The following ALG12 variants were observed in gnomAD, a reference collection of about 807,000 sequenced individuals.
ALG12 encodes the protein ALG12 alpha-1,6-mannosyltransferase, also known as dol-P-Man:Man(7)GlcNAc(2)-PP-Dol alpha-1,6-mannosyltransferase.
A neutral mutation model predicts 46.0 loss-of-function variants in ALG12; 36 were observed. The observed-to-expected ratio is 0.78, with a 90% CI of 0.60 to 1.03. The LOEUF (loss-of-function observed/expected upper bound fraction) is 1.03, where lower values mean the gene tolerates loss of function less well. Among genes scored for constraint, ALG12 ranks in the 50% least tolerant of loss-of-function variants. The pLI, the probability that ALG12 is intolerant of heterozygous loss-of-function variation, is 0.00. For synonymous variants in ALG12, 326 were observed against 291.6 expected (o/e 1.12, Z -1.20); for missense variants, 599 against 633.5 (o/e 0.95, Z 0.58).
At chr22:49,879,425 C>T in the ALG12 span, among the ~76,000 whole-genome samples, 6,934 of 152,004 alleles carry the variant, frequency 0.046, 359 homozygotes, top group African/African-American at 0.13. Context: ...CCAAACCCAG[C>T]CTAATTTTTG....
At chr22:49,912,019 CCA>C in intron 3 of ALG12, among the ~76,000 whole-genome samples, 2 of 151,992 alleles carry the variant, frequency 1.3e-5, no homozygotes, top group South Asian at 4.2e-4. Context: ...TCAGCCTCGG[CCA>C]CGGGATCACC....
chr22:49,916,105 A>G (rs538988587), intron 1 of ALG12, among the ~76,000 whole-genome samples: 20 of 151,660 alleles, frequency 1.3e-4, no homozygotes, highest in Middle Eastern at 3.2e-3. Flanking sequence ...TAAAAATACA[A>G]AAAAATTAGC....
At chr22:49,909,402 C>T (rs2060562684) in intron 5 of ALG12, 55 bp from the exon 6 acceptor site, 1 of 1,525,164 alleles carries the variant, frequency 6.6e-7, no homozygotes, top group Non-Finnish European at 9.1e-7. Context: ...AGTAAACATC[C>T]CGCCACAATG....
chr22:49,890,942 A>G, the ALG12 span, among the ~76,000 whole-genome samples: 5 of 151,972 alleles, frequency 3.3e-5, no homozygotes, highest in South Asian at 4.2e-4. Flanking sequence ...AGGCAGGAGA[A>G]TGGCGTGAAC....
chr22:49,895,211 G>A, the ALG12 span, among the ~76,000 whole-genome samples: 1 of 152,210 alleles, frequency 6.6e-6, no homozygotes, highest in African/African-American at 2.4e-5. Context: ...CTTCTGAGTT[G>A]AGAGGCAGAG....
In ALG12 at chr22:49,905,219, T is replaced by C. The variant is rs7292211; in HGVS notation, c.993-713A>G. 0.055 allele frequency among the ~76,000 whole-genome samples: 8,442 copies of C among 152,212 alleles called. 632 individuals are homozygous for C. The highest frequency in any genetic ancestry group is 0.17 in the African/African-American group (7,030 of 41,522). On this transcript the variant is annotated intron_variant, in intron 7 of 9. Transcript: ENST00000330817. The surrounding 1 kb of genome is among the most constrained non-coding windows in gnomAD (Gnocchi z 4.9). ...GAGTTAGCAGCTGCCACAGACAGTG[T>C]GGCCCACGAAGATGAGGCTCTTTAT...
At position 49,901,605 on chromosome 22, in the gene ALG12, T is replaced by C. The variant is rs946930841; in HGVS notation, c.*2233A>G. 1.3e-5 allele frequency: 2 copies of C among 148,336 alleles called. No homozygotes were observed. Among genetic ancestry groups the C allele is most frequent in the Non-Finnish European group, 3.0e-5 (2 of 67,530 alleles). The allele number at this position is 148,336 out of a possible 1,614,324, so 9.2% of individuals were successfully genotyped here. ...ATGCATGGTGTGTGCACCTGTGCAT[T>C]GTGTGTGTGCATGCGTGGTGGGTAT... On this transcript the variant is annotated 3_prime_UTR_variant, in exon 10 of 10. Coordinates refer to ENST00000330817, the MANE Select transcript of ALG12 (RefSeq NM_024105.4).
intron 1 of ALG12, among the ~76,000 whole-genome samples, chr22:49,914,911 T>C (rs2060601181): frequency 6.6e-6 from 1 of 152,214 alleles, no homozygotes; most frequent in South Asian, 2.1e-4. Context: ...TTATTTTTTG[T>C]AAAGACAGGG....
At position 49,906,939 on chromosome 22, in the gene ALG12, A is replaced by C. The variant is rs955176003; in HGVS notation, c.992+782T>G. ...AACACTGAGTGGCAGCCGCGCTCAG[A>C]CCACCCCACCCTCAGCCCAGGCAGT... On this transcript the variant is annotated intron_variant, in intron 7 of 9. Coordinates refer to ENST00000330817, the MANE Select transcript of ALG12 (RefSeq NM_024105.4). The surrounding 1 kb of genome is among the most constrained non-coding windows in gnomAD (Gnocchi z 4.4). 6.6e-6 allele frequency among the ~76,000 whole-genome samples: 1 copy of C among 151,800 alleles called. No homozygotes were observed. The highest frequency in any genetic ancestry group is 2.4e-5 in the African/African-American group (1 of 41,286).
At chr22:49,874,672 C>T in the ALG12 span, among the ~76,000 whole-genome samples, 8 of 37,310 alleles carry the variant, frequency 2.1e-4, no homozygotes, top group African/African-American at 5.5e-4. Context: ...CATGCCCAGC[C>T]TTTTTTTTTT....
At chr22:49,908,134 G>A (rs1374534691) in intron 6 of ALG12, among the ~76,000 whole-genome samples, 190 bp from the exon 7 acceptor site, 2 of 152,206 alleles carry the variant, frequency 1.3e-5, no homozygotes, top group Non-Finnish European at 2.9e-5. Flanking sequence ...GCCACAGCTC[G>A]GGTGCACACA....
the ALG12 span, chr22:49,885,024 G>A: frequency 6.2e-7 from 1 of 1,612,936 alleles, no homozygotes; most frequent in Non-Finnish European, 8.5e-7. Flanking sequence ...AAAAGGTCAT[G>A]AAAAGACTGA....
chr22:49,865,338 G>A, the ALG12 span, among the ~76,000 whole-genome samples: 2 of 152,044 alleles, frequency 1.3e-5, no homozygotes, highest in South Asian at 2.1e-4. Flanking sequence ...TGTGCAGCAC[G>A]TGACTGTGTG....
chr22:49,906,755 C>G lies in ALG12; in HGVS notation c.992+966G>C, dbSNP rs527328641. On this transcript the variant is annotated intron_variant, in intron 7 of 9. Coordinates refer to ENST00000330817, the MANE Select transcript of ALG12 (RefSeq NM_024105.4). The surrounding 1 kb of genome is among the most constrained non-coding windows in gnomAD (Gnocchi z 4.4). ...CTCCTGTTCCCATCAAGGCAGCAAACTCTGAACGGGCACAGAGCTGGCCAG... is the reference window on the plus strand; with the variant it reads ...CTCCTGTTCCCATCAAGGCAGCAAAGTCTGAACGGGCACAGAGCTGGCCAG... 6.6e-6 allele frequency among the ~76,000 whole-genome samples: 1 copy of G among 152,328 alleles called. No individual in the cohort carries two copies. The highest frequency in any genetic ancestry group is 2.1e-4 in the South Asian group (1 of 4,834).
chr22:49,862,115 C>T, the ALG12 span, among the ~76,000 whole-genome samples: 2 of 152,194 alleles, frequency 1.3e-5, no homozygotes, highest in Non-Finnish European at 2.9e-5. Flanking sequence ...AAAAACTGTG[C>T]TTTACTGAAT....
chr22:49,909,836 T>C (rs2060564947), intron 5 of ALG12, 58 bp downstream of exon 5: 59 of 1,608,904 alleles, frequency 3.7e-5, no homozygotes, highest in Non-Finnish European at 4.8e-5. Context: ...TCTCTTGACC[T>C]TTGTAAAACA....
chr22:49,886,131 G>A, the ALG12 span: 7 of 683,538 alleles, frequency 1.0e-5, no homozygotes, highest in East Asian at 7.4e-5. This position sits in a 1 kb window ranked among gnomAD's most constrained non-coding sequence, Gnocchi z 7.7. Context: ...GGGAGCACTC[G>A]AGCGTGCAGT....
the ALG12 span, among the ~76,000 whole-genome samples, chr22:49,870,943 AT>A: frequency 0.63 from 86,937 of 138,024 alleles, 30,777 homozygotes; most frequent in East Asian, 0.84. Context: ...TAAAAGATAG[AT>A]TTTTTTTTTT....
rs756514420 is a variant in ALG12, at chr22:49,913,807, C to A, written c.-42G>T. 1.2e-6 allele frequency: 2 copies of A among 1,609,456 alleles called. No individual in the cohort carries two copies. Among genetic ancestry groups the A allele is most frequent in the Middle Eastern group, 2.0e-4 (1 of 5,036 alleles). On this transcript the variant is annotated 5_prime_UTR_variant, in exon 2 of 10. Transcript: ENST00000330817. ...CACGTACCTTCACAGGCCAACAGTG[C>A]GAGACACCAGCCGTTAGCACTGCCA...
Sources: allele counts gnomAD v4.1 joint callset (sites outside exome capture counted in the v4.1 genomes callset), GRCh38; gene constraint gnomAD v4.1.1; non-coding constraint Gnocchi (gnomAD v3.1); transcripts MANE v1.5; gene names NCBI Gene and HGNC (gene_info 2026-07-23, HGNC 2026-07-21).